The following GPHN variants were observed in gnomAD, a reference collection of about 807,000 sequenced individuals.
GPHN encodes gephyrin.
Under a neutral mutation model 95.5 loss-of-function variants are expected in GPHN, and 17 were observed. The ratio of observed to expected loss-of-function variants is 0.18; its 90% CI spans 0.12 to 0.27. The LOEUF is 0.27. Among genes scored for constraint, GPHN ranks in the 10% least tolerant of loss-of-function variants. The pLI is 1.00. For missense variants in GPHN, 660 were observed against 978.1 expected (o/e 0.67, Z 4.34); for synonymous variants, 320 against 322.5 (o/e 0.99, Z 0.08).
chr14:66,728,276 G>A (rs1362698568), intron 2 of GPHN, among the ~76,000 whole-genome samples: 1 of 152,102 alleles, frequency 6.6e-6, no homozygotes, highest in Middle Eastern at 3.2e-3. Context: ...CTCTGCTAGG[G>A]CAGTGCAGAA....
chr14:67,343,560 C>T, the GPHN span: 1 of 748,868 alleles, frequency 1.3e-6, no homozygotes, highest in Non-Finnish European at 2.2e-6. Flanking sequence ...TTCTTTTTGG[C>T]ATGCTTAAAA....
chr14:67,200,124 G>T, the GPHN span: 6 of 1,071,086 alleles, frequency 5.6e-6, no homozygotes, highest in African/African-American at 9.4e-5. Context: ...CCCCCCGAAG[G>T]CCTCCATTCT....
At chr14:67,256,091 C>T in the GPHN span, among the ~76,000 whole-genome samples, 7 of 145,014 alleles carry the variant, frequency 4.8e-5, no homozygotes, top group East Asian at 1.7e-3. Flanking sequence ...AAAAGCAACA[C>T]ATACTTTTTT....
chr14:67,717,162 T>C, the GPHN span, among the ~76,000 whole-genome samples: 1 of 152,302 alleles, frequency 6.6e-6, no homozygotes, highest in South Asian at 2.1e-4. Flanking sequence ...GATGTAAAAT[T>C]TGTATACAGT....
chr14:66,750,443 A>G (rs917275388), intron 2 of GPHN, among the ~76,000 whole-genome samples: 1 of 151,946 alleles, frequency 6.6e-6, no homozygotes, highest in African/African-American at 2.4e-5. Flanking sequence ...AAATAAGGAA[A>G]GGACCAGGAC....
chr14:67,130,648 T>C (rs533236090), intron 17 of GPHN, among the ~76,000 whole-genome samples: 1 of 152,300 alleles, frequency 6.6e-6, no homozygotes, highest in Admixed American at 6.5e-5. Context: ...CTGGGTTGAA[T>C]GGTAGTTCTC....
the GPHN span, among the ~76,000 whole-genome samples, chr14:67,511,185 G>A: frequency 1.3e-5 from 2 of 152,082 alleles, no homozygotes; most frequent in Non-Finnish European, 2.9e-5. Context: ...GATGGCATTC[G>A]TCATTCAAGT....
chr14:67,375,645 T>G, the GPHN span, among the ~76,000 whole-genome samples: 1 of 152,250 alleles, frequency 6.6e-6, no homozygotes, highest in African/African-American at 2.4e-5. Flanking sequence ...TTTGTTTTAC[T>G]GATGTATTTA....
the GPHN span, among the ~76,000 whole-genome samples, chr14:67,244,987 C>A: frequency 6.6e-6 from 1 of 152,066 alleles, no homozygotes; most frequent in South Asian, 2.1e-4. Flanking sequence ...AACAATTGGT[C>A]AGAGAAGTGC....
chr14:67,569,018 C>T, the GPHN span: 2 of 622,090 alleles, frequency 3.2e-6, no homozygotes, highest in Non-Finnish European at 5.6e-6. Context: ...ATTTGTTAGC[C>T]AGTCACTGCC....
At chr14:67,719,228 A>G in the GPHN span, among the ~76,000 whole-genome samples, 10 of 152,338 alleles carry the variant, frequency 6.6e-5, no homozygotes, top group Middle Eastern at 6.8e-3. Context: ...AAATCAGCAG[A>G]GCTTTATGAT....
At chr14:67,704,551 A>G in the GPHN span, among the ~76,000 whole-genome samples, 1 of 152,132 alleles carries the variant, frequency 6.6e-6, no homozygotes, top group African/African-American at 2.4e-5. Context: ...GGCACTTGCA[A>G]GTGGAAGGAT....
At chr14:66,729,337 A>G (rs2071546759) in intron 2 of GPHN, among the ~76,000 whole-genome samples, 1 of 152,200 alleles carries the variant, frequency 6.6e-6, no homozygotes, top group Non-Finnish European at 1.5e-5. Context: ...AAAAACTTCT[A>G]GTCCAAAGTA....
chr14:67,099,110 C>CTTTTTT (rs1200580490), intron 12 of GPHN, among the ~76,000 whole-genome samples: 1 of 138,992 alleles, frequency 7.2e-6, no homozygotes. Flanking sequence ...GTTGTAAAAA[C>CTTTTTT]TTTTTTTTTT....
At chr14:67,026,715 T>C (rs1032680935) in intron 10 of GPHN, among the ~76,000 whole-genome samples, 2 of 152,238 alleles carry the variant, frequency 1.3e-5, no homozygotes, top group Admixed American at 6.5e-5. Context: ...CGATCTCGGC[T>C]CACTGCAGGC....
At chr14:67,668,006 T>C in the GPHN span, among the ~76,000 whole-genome samples, 6 of 152,202 alleles carry the variant, frequency 3.9e-5, no homozygotes, top group Admixed American at 2.0e-4. Flanking sequence ...TTCTACAGTC[T>C]GTAAGTAATT....
the GPHN span, among the ~76,000 whole-genome samples, chr14:67,518,649 G>A: frequency 6.6e-6 from 1 of 152,230 alleles, no homozygotes; most frequent in Non-Finnish European, 1.5e-5. Context: ...GGCAAGAACT[G>A]TTCTGCCCTT....
chr14:67,358,111 G>A, the GPHN span, among the ~76,000 whole-genome samples: 2 of 152,092 alleles, frequency 1.3e-5, no homozygotes, highest in Non-Finnish European at 2.9e-5. Context: ...GGCGGCGGGG[G>A]GCGGCCTGGG....
the GPHN span, among the ~76,000 whole-genome samples, chr14:67,325,225 C>T: frequency 6.6e-6 from 1 of 152,118 alleles, no homozygotes; most frequent in Non-Finnish European, 1.5e-5. Flanking sequence ...CTTGACTGTC[C>T]ACCACAACAC....
Sources: allele counts gnomAD v4.1 joint callset (sites outside exome capture counted in the v4.1 genomes callset), GRCh38; gene constraint gnomAD v4.1.1; transcripts MANE v1.5; gene names NCBI Gene and HGNC (gene_info 2026-07-23, HGNC 2026-07-21).